CSGALNACT1: variants seen among roughly 807,000 people sequenced by gnomAD.
CSGALNACT1 encodes chondroitin sulfate N-acetylgalactosaminyltransferase 1.
In CSGALNACT1, 52 loss-of-function variants were observed where a neutral mutation model predicts 51.0. That is an observed-to-expected ratio of 1.02 (90% CI 0.82 to 1.29). The LOEUF is 1.29. CSGALNACT1 is among the 50% of genes most tolerant of loss of function. The probability of loss-of-function intolerance (pLI) is 0.00; values close to 1 mark genes in which losing one functional copy is unlikely to be tolerated. For synonymous variants in CSGALNACT1, 341 were observed against 254.4 expected, an observed-to-expected ratio of 1.34 and a Z score of -3.24; for missense variants, 935 against 679.2, an observed-to-expected ratio of 1.38 and a Z score of -4.19.
At chr8:19,666,861 GAAA>G (rs2059279199) in intron 1 of CSGALNACT1, among the ~76,000 whole-genome samples, 1 of 121,590 alleles carries the variant, frequency 8.2e-6, no homozygotes, top group African/African-American at 3.8e-5. Context: ...AAGAAAGAAA[GAAA>G]GAAAGAAAGA....
chr8:19,457,495 C>G (rs1049070708), intron 5 of CSGALNACT1: 2 of 405,904 alleles, frequency 4.9e-6, no homozygotes, highest in Non-Finnish European at 9.3e-6. Context: ...CATCTGTAAT[C>G]CCAGCTACTT....
At chr8:19,531,446 T>A (rs868299347) in intron 3 of CSGALNACT1, among the ~76,000 whole-genome samples, 9 of 152,306 alleles carry the variant, frequency 5.9e-5, no homozygotes, top group African/African-American at 1.7e-4. Flanking sequence ...AGCCACAGCT[T>A]TGAGTGGATC....
intron 4 of CSGALNACT1, among the ~76,000 whole-genome samples, chr8:19,493,307 G>T (rs964954024): frequency 6.6e-6 from 1 of 152,080 alleles, no homozygotes; most frequent in African/African-American, 2.4e-5. Flanking sequence ...GGGGGAGGGG[G>T]ACAGAGATTG....
intron 3 of CSGALNACT1, among the ~76,000 whole-genome samples, chr8:19,534,735 CAGTGAATG>C (rs1204232805): frequency 1.3e-5 from 2 of 152,142 alleles, no homozygotes; most frequent in African/African-American, 2.4e-5. Flanking sequence ...CTAAAATGCT[CAGTGAATG>C]ACAGTTTAAA....
chr8:19,711,068 AT>A (rs1265774816), intron 1 of CSGALNACT1, among the ~76,000 whole-genome samples: 1 of 151,912 alleles, frequency 6.6e-6, no homozygotes. Flanking sequence ...TTACATATTC[AT>A]TTTTTTCTTA....
intron 1 of CSGALNACT1, among the ~76,000 whole-genome samples, chr8:19,755,295 C>T (rs1283917703): frequency 1.3e-5 from 2 of 151,842 alleles, no homozygotes; most frequent in African/African-American, 4.8e-5. Flanking sequence ...GTTTCAACTC[C>T]TTATTTTCAA....
chr8:19,637,107 G>A (rs2056176068), intron 1 of CSGALNACT1, among the ~76,000 whole-genome samples: 1 of 152,190 alleles, frequency 6.6e-6, no homozygotes, highest in Non-Finnish European at 1.5e-5. Flanking sequence ...TCAGGAGGCT[G>A]AGGCAGGAGA....
At chr8:19,729,004 A>G (rs1225045897) in intron 1 of CSGALNACT1, among the ~76,000 whole-genome samples, 2 of 152,154 alleles carry the variant, frequency 1.3e-5, no homozygotes, top group Admixed American at 1.3e-4. Flanking sequence ...CTGTTTTTTA[A>G]GCTGATATAT....
At chr8:19,597,426 C>A (rs2049192865) in intron 2 of CSGALNACT1, among the ~76,000 whole-genome samples, 1 of 150,448 alleles carries the variant, frequency 6.6e-6, no homozygotes, top group Non-Finnish European at 1.5e-5. Flanking sequence ...TCCCAAGTAG[C>A]TGGGACTACA....
intron 4 of CSGALNACT1, among the ~76,000 whole-genome samples, chr8:19,486,740 G>A (rs576936307): frequency 3.0e-4 from 46 of 152,180 alleles, no homozygotes; most frequent in Admixed American, 1.2e-3. Context: ...CGCATTGATT[G>A]TTCCTCTAAA....
At chr8:19,562,352 A>C (rs2040935168) in intron 3 of CSGALNACT1, among the ~76,000 whole-genome samples, 1 of 152,148 alleles carries the variant, frequency 6.6e-6, no homozygotes, top group Admixed American at 6.5e-5. Context: ...AGAAACAAAA[A>C]AATACTATTT....
chr8:19,408,449 C>T (rs973705445), intron 9 of CSGALNACT1, among the ~76,000 whole-genome samples, 164 bp downstream of exon 8: 10 of 149,712 alleles, frequency 6.7e-5, no homozygotes, highest in South Asian at 2.1e-4. Flanking sequence ...TGTGAGCCAC[C>T]GCACCTAGTC....
At position 19,635,782 on chromosome 8, in the gene CSGALNACT1, T is replaced by C. The variant is rs1031807809; in HGVS notation, c.-543-33917A>G. 2.0e-5 allele frequency among the ~76,000 whole-genome samples: 3 copies of C among 152,138 alleles called. No homozygotes were observed. In the South Asian group the frequency reaches 6.2e-4, roughly 31 times the overall value. On this transcript the variant is annotated intron_variant, in intron 1 of 9. Transcript: ENST00000332246. ...TTGCTCTGTTGCCCAGGCTGGTGTG[T>C]AGTGGCGTGATCTCCGTTCATTGCA...
intron 3 of CSGALNACT1, among the ~76,000 whole-genome samples, chr8:19,543,612 C>G (rs1245494392): frequency 6.6e-6 from 1 of 152,140 alleles, no homozygotes; most frequent in East Asian, 1.9e-4. Context: ...GTTCCACAGG[C>G]AGAAACTGCA....
At chr8:19,474,546 A>G (rs1032067232) in intron 4 of CSGALNACT1, among the ~76,000 whole-genome samples, 8 of 152,222 alleles carry the variant, frequency 5.3e-5, no homozygotes, top group African/African-American at 1.2e-4. Context: ...CATCAATCCA[A>G]TAACTTATTC....
At chr8:19,634,740 A>G (rs1011644685) in intron 1 of CSGALNACT1, among the ~76,000 whole-genome samples, 3 of 152,184 alleles carry the variant, frequency 2.0e-5, no homozygotes, top group African/African-American at 4.8e-5. Context: ...GAAGGCAGTC[A>G]TCTACAAGCC....
chr8:19,559,689 A>T (rs963061571), intron 3 of CSGALNACT1, among the ~76,000 whole-genome samples: 72 of 152,334 alleles, frequency 4.7e-4, no homozygotes, highest in African/African-American at 1.6e-3. Context: ...CAAAAAAAAG[A>T]TACCATCTGA....
chr8:19,455,604 A>G (rs2063935607), intron 5 of CSGALNACT1, among the ~76,000 whole-genome samples: 1 of 152,276 alleles, frequency 6.6e-6, no homozygotes, highest in East Asian at 1.9e-4. Context: ...TTGAAATGCC[A>G]TCTTTAATAA....
intron 1 of CSGALNACT1, among the ~76,000 whole-genome samples, chr8:19,635,449 C>T (rs891900030): frequency 6.6e-6 from 1 of 152,184 alleles, no homozygotes; most frequent in Non-Finnish European, 1.5e-5. Flanking sequence ...CCCTAAATGG[C>T]AGATCTGAAC....
Sources: gnomAD v4.1 joint callset for allele counts (sites outside exome capture counted in the v4.1 genomes callset) on GRCh38, gnomAD v4.1.1 for gene constraint, MANE v1.5 for transcripts, NCBI Gene and HGNC (gene_info 2026-07-23, HGNC 2026-07-21) for gene names.